Variants in TTC17 observed in about 807,000 individuals in gnomAD.
TTC17 encodes the protein tetratricopeptide repeat protein 17.
In TTC17, 58 loss-of-function variants were observed where a neutral mutation model predicts 143.8. The observed-to-expected ratio is 0.40, with a 90% confidence interval of 0.33 to 0.50. The LOEUF is 0.50. Among genes scored for constraint, TTC17 ranks in the 20% least tolerant of loss-of-function variants. The pLI, the probability that TTC17 is intolerant of heterozygous loss-of-function variation, is 0.49. For synonymous variants in TTC17, 501 were observed against 497.8 expected, an observed-to-expected ratio of 1.01 and a Z score of -0.09; for missense variants, 1,273 against 1,392.5, an observed-to-expected ratio of 0.91 and a Z score of 1.37.
intron 16 of TTC17, among the ~76,000 whole-genome samples, chr11:43,431,899 G>T (rs1005850873): frequency 6.6e-6 from 1 of 152,188 alleles, no homozygotes; most frequent in African/African-American, 2.4e-5. Context: ...CTTGTCTTGC[G>T]CCAGGCTGTA....
chr11:43,427,372 G>T (rs1366845415), intron 16 of TTC17, among the ~76,000 whole-genome samples: 2 of 152,182 alleles, frequency 1.3e-5, no homozygotes, highest in African/African-American at 2.4e-5. Flanking sequence ...GAATCAGAAA[G>T]ATATGTTGTA....
chr11:43,384,383 C>T lies in TTC17; in HGVS notation c.249+5061C>T, dbSNP rs1338947104. Among the ~76,000 whole-genome samples, 9 of 152,200 alleles carry T rather than the reference C, an allele frequency of 5.9e-5. No homozygotes were observed. In the East Asian group the frequency reaches 1.7e-3, roughly 29 times the overall value. On this transcript the variant is annotated intron_variant, in intron 2 of 23. Coordinates refer to ENST00000039989, the MANE Select transcript of TTC17 (RefSeq NM_018259.6). ...AATTTTAGAAATGTTAGGCCAGGCA[C>T]AGTGGCTCACGCCTGTAATCCCAGC... is the stretch of plus-strand genomic sequence containing the variant.
intron 9 of TTC17, among the ~76,000 whole-genome samples, chr11:43,400,980 C>T (rs1308094046): frequency 2.0e-5 from 3 of 152,186 alleles, no homozygotes; most frequent in East Asian, 3.9e-4. Flanking sequence ...GTTTATTTTA[C>T]AATTCCCTTA....
intron 1 of TTC17, among the ~76,000 whole-genome samples, chr11:43,367,714 CTGTGTGTGTGTGTG>C (rs3083209): frequency 2.0e-5 from 3 of 147,082 alleles, no homozygotes; most frequent in Admixed American, 6.8e-5. Flanking sequence ...AGGGGAATGT[CTGTGTGTGTGTGTG>C]TGTGTGTGTG....
At chr11:43,367,298 T>C (rs993213376) in intron 1 of TTC17, among the ~76,000 whole-genome samples, 4 of 152,216 alleles carry the variant, frequency 2.6e-5, no homozygotes, top group Non-Finnish European at 4.4e-5. Context: ...TGTTGTGTTA[T>C]GCAAGGGAAA....
rs966064814 is a variant in TTC17, at chr11:43,494,314, T to A, written c.*410T>A. The A allele has an allele frequency of 2.8e-4, 45 of 161,036 alleles. No individual in the cohort carries two copies. Among genetic ancestry groups the A allele is most frequent in the African/African-American group, 1.1e-3 (44 of 41,590 alleles). 10.0% of individuals were successfully genotyped at this position (161,036 alleles called of 1,614,324 possible). ...TTCCTGTCGTAGCCTCTGTTGTCAA[T>A]GGAAATGCGGAAGCCCATCTGGTGC... is the stretch of plus-strand genomic sequence containing the variant. On this transcript the variant is annotated 3_prime_UTR_variant, in exon 24 of 24. Coordinates refer to ENST00000039989, the MANE Select transcript of TTC17 (RefSeq NM_018259.6).
intron 5 of TTC17, among the ~76,000 whole-genome samples, chr11:43,392,453 G>C (rs922243090): frequency 3.3e-5 from 5 of 152,166 alleles, no homozygotes; most frequent in African/African-American, 7.2e-5. Context: ...ATTAACGTGG[G>C]CATTTAGAAA....
chr11:43,439,705 A>T (rs1316395756), intron 16 of TTC17, among the ~76,000 whole-genome samples: 1 of 152,090 alleles, frequency 6.6e-6, no homozygotes, highest in Non-Finnish European at 1.5e-5. Flanking sequence ...TCCTGACCTC[A>T]GGTGATCCTC....
chr11:43,387,540 A>G (rs535017852), intron 2 of TTC17, among the ~76,000 whole-genome samples: 42 of 152,286 alleles, frequency 2.8e-4, no homozygotes, highest in African/African-American at 9.6e-4. Flanking sequence ...AATGGCATAA[A>G]CAATAAGGTC....
At chr11:43,489,414 A>G (rs1404901880) in intron 21 of TTC17, among the ~76,000 whole-genome samples, 1 of 152,112 alleles carries the variant, frequency 6.6e-6, no homozygotes, top group Non-Finnish European at 1.5e-5. Flanking sequence ...GGAAATGGTG[A>G]TACTTAGATA....
chr11:43,403,415 TACAC>T (rs775784231), intron 10 of TTC17, among the ~76,000 whole-genome samples: 124 of 152,314 alleles, frequency 8.1e-4, no homozygotes, highest in Admixed American at 1.8e-3. Flanking sequence ...GTTTCAGAAA[TACAC>T]AAGCATCTTT....
chr11:43,407,288 T>C, intron 14 of TTC17, 65 bp from the exon 15 acceptor site: 1 of 1,572,148 alleles, frequency 6.4e-7, no homozygotes, highest in South Asian at 1.2e-5. Context: ...ATGCACTTAT[T>C]AAAAATCTTA....
intron 21 of TTC17, among the ~76,000 whole-genome samples, chr11:43,479,628 A>G (rs1387981779): frequency 1.3e-5 from 2 of 152,254 alleles, no homozygotes; most frequent in Non-Finnish European, 2.9e-5. Context: ...ATCTTAAAGC[A>G]TCCATTTCAG....
Position 43,443,461 on chromosome 11 carries a change from G to T in TTC17, c.2388G>T (p.Glu796Asp), listed in dbSNP as rs1205351134. The T allele has an allele frequency of 3.7e-6, 6 of 1,614,084 alleles. No individual in the cohort carries two copies. Among genetic ancestry groups the T allele is most frequent in the Non-Finnish European group, 5.1e-6 (6 of 1,180,028 alleles). The change falls in exon 17 of 24, where the codon GAG becomes GAT. Residue 796 changes from glutamate to aspartate, a missense_variant. This residue lies in a region of TTC17 where 878 missense variants were observed against 899.8 expected (regional missense o/e 0.98). Coordinates refer to ENST00000039989, the MANE Select transcript of TTC17 (RefSeq NM_018259.6). Reference protein sequence around the residue: ...WPLEGFGGALEMKGRRLDLQG... With the variant: ...WPLEGFGGALDMKGRRLDLQG... ...TGGAAGGCTTTGGGGGTGCACTAGA[G>T]ATGAAAGGGCGGCGTCTAGACTTAC...
intron 15 of TTC17, among the ~76,000 whole-genome samples, chr11:43,409,393 A>AC (rs1201034734): frequency 1.3e-5 from 2 of 152,202 alleles, no homozygotes; most frequent in Non-Finnish European, 2.9e-5. Context: ...ATACCAAACA[A>AC]CCCACTAAAA....
In TTC17 at chr11:43,398,127, A is replaced by G. The variant is rs759467255; in HGVS notation, c.1058+14A>G. The G allele has an allele frequency of 3.3e-5, 53 of 1,613,450 alleles. No individual in the cohort carries two copies. The highest frequency in any genetic ancestry group is 4.1e-5 in the Non-Finnish European group (48 of 1,179,650). ...GGCTCAGCATAGGTAATTGAGAGGAAAAATTTCACTCAAGCATTAGCACTA... is the reference window on the plus strand; with the variant it reads ...GGCTCAGCATAGGTAATTGAGAGGAGAAATTTCACTCAAGCATTAGCACTA... On this transcript the variant is annotated intron_variant, in intron 8 of 23. Coordinates refer to ENST00000039989, the MANE Select transcript of TTC17 (RefSeq NM_018259.6).
intron 23 of TTC17, 137 bp from the exon 24 acceptor site, chr11:43,493,636 A>G (rs1948509667): frequency 7.5e-7 from 1 of 1,336,684 alleles, no homozygotes; most frequent in African/African-American, 1.5e-5. Flanking sequence ...AGAGTTTTCC[A>G]CAAAGACTTA....
At chr11:43,490,125 G>A in intron 21 of TTC17, 114 bp from the exon 22 acceptor site, 1 of 1,421,860 alleles carries the variant, frequency 7.0e-7, no homozygotes, top group African/African-American at 1.4e-5. Context: ...CAGAGTGCCA[G>A]CACTTAGTAA....
intron 5 of TTC17, chr11:43,396,168 A>G (rs1431181955): frequency 6.7e-6 from 1 of 149,782 alleles, no homozygotes; most frequent in Non-Finnish European, 1.5e-5. Context: ...TTAAGTTTCT[A>G]TTTCTTTGTG....
Sources: allele counts gnomAD v4.1 joint callset (sites outside exome capture counted in the v4.1 genomes callset), GRCh38; gene constraint gnomAD v4.1.1; regional missense constraint gnomAD v4.1.1; transcripts MANE v1.5; gene names NCBI Gene and HGNC (gene_info 2026-07-23, HGNC 2026-07-21).